Variants in MAP3K13 observed in about 807,000 individuals in gnomAD.
The protein encoded by MAP3K13 is mitogen-activated protein kinase kinase kinase 13.
Under a neutral mutation model 104.0 loss-of-function variants are expected in MAP3K13, and 52 were observed. The observed-to-expected ratio is 0.50, with a 90% CI of 0.40 to 0.63. The LOEUF is 0.63. MAP3K13 is among the 20% of genes least tolerant of loss of function. The pLI, the probability that MAP3K13 is intolerant of heterozygous loss-of-function variation, is 0.00. For synonymous variants in MAP3K13, 394 were observed against 442.2 expected (o/e 0.89, Z 1.37); for missense variants, 914 against 1,218.5 (o/e 0.75, Z 3.72).
At chr3:185,395,626 G>T (rs1560083415) in intron 1 of MAP3K13, among the ~76,000 whole-genome samples, 1 of 151,080 alleles carries the variant, frequency 6.6e-6, no homozygotes, top group East Asian at 1.9e-4. Context: ...CCAAAGTGCT[G>T]GGATTACAGG....
rs1271285960 is a variant in MAP3K13, at chr3:185,455,456, CAT to C, written c.1278+4068_1278+4069del. Among the ~76,000 whole-genome samples, 51 of 78,202 alleles carry C rather than the reference CAT, an allele frequency of 6.5e-4. 2 individuals carry two copies. Among genetic ancestry groups the C allele is most frequent in the African/African-American group, 2.5e-3 (50 of 19,930 alleles). The allele number at this position is 78,202 out of a possible 152,430, so 51.3% of individuals were successfully genotyped here. ...TGAGATATATATATGAGATATATAT[CAT>C]ATATATGAGATATATACATGATATA... On this transcript the variant is annotated intron_variant, in intron 7 of 13. Coordinates refer to ENST00000265026, the MANE Select transcript of MAP3K13 (RefSeq NM_004721.5).
chr3:185,336,527 G>A (rs573716318), intron 2 of MAP3K13, among the ~76,000 whole-genome samples: 2 of 146,736 alleles, frequency 1.4e-5, no homozygotes, highest in South Asian at 2.2e-4. Context: ...GGGTGACAGA[G>A]TGAGACTCTG....
At chr3:185,429,188 T>G (rs1479166902) in intron 2 of MAP3K13, 132 bp downstream of exon 2, 15 of 819,474 alleles carry the variant, frequency 1.8e-5, no homozygotes, top group African/African-American at 5.2e-5. Flanking sequence ...AATACCTCAT[T>G]TCAGTTTCCA....
chr3:185,457,616 C>T (rs550810908), intron 7 of MAP3K13, among the ~76,000 whole-genome samples: 76 of 152,292 alleles, frequency 5.0e-4, no homozygotes, highest in Admixed American at 1.0e-3. Flanking sequence ...TGTCCCTTTG[C>T]AGTTAAGATT....
rs544690088 is a variant in MAP3K13 at position 185,297,299 on chromosome 3, G to T, written c.-86+11656G>T. On this transcript the variant is annotated intron_variant, in intron 2 of 14. Coordinates refer to the MAP3K13 transcript ENST00000424227. Reference sequence around the variant, plus strand: ...CATTCCCAAGGTTGATTTAAACCTAGTAATTGGATATTTTTGAAAGCTGTG... The same window carrying T: ...CATTCCCAAGGTTGATTTAAACCTATTAATTGGATATTTTTGAAAGCTGTG... Among the ~76,000 whole-genome samples, 18 of 152,322 alleles carry T rather than the reference G, an allele frequency of 1.2e-4. No homozygotes were observed. The South Asian group carries it at 3.5e-3, about 30-fold the overall frequency.
chr3:185,360,703 C>A (rs1723567863), upstream of MAP3K13, among the ~76,000 whole-genome samples: 1 of 151,982 alleles, frequency 6.6e-6, no homozygotes, highest in Non-Finnish European at 1.5e-5. Flanking sequence ...TTATTAGAAG[C>A]ATTTATAGAC....
At position 185,450,855 on chromosome 3, in the gene MAP3K13, C is replaced by T. The variant is rs560414839; in HGVS notation, c.1170-432C>T. 1.4e-3 allele frequency among the ~76,000 whole-genome samples: 208 copies of T among 152,172 alleles called. 1 individual carries two copies. Among genetic ancestry groups the T allele is most frequent in the Non-Finnish European group, 2.7e-3 (185 of 68,004 alleles). On this transcript the variant is annotated intron_variant, in intron 6 of 13. Transcript: ENST00000265026. This position sits in a 1 kb window ranked among gnomAD's most constrained non-coding sequence, Gnocchi z 4.2. ...CTGTAATCCCAGCACTTTAGGAGGC[C>T]GAGGCGGGCGTATCACGAGGTCAGG...
rs140373812 is a variant in MAP3K13 at position 185,374,619 on chromosome 3, C to A, written c.-86+11251C>A. ...ATCCAATTAGAGTGTCCAAGGGGGT[C>A]CAAGCGGGGTTAGCGTAATTACTTA... On this transcript the variant is annotated intron_variant, in intron 1 of 13. Coordinates refer to ENST00000265026, the MANE Select transcript of MAP3K13 (RefSeq NM_004721.5). 2.9e-3 allele frequency among the ~76,000 whole-genome samples: 433 copies of A among 151,802 alleles called. 3 individuals are homozygous for A. Among genetic ancestry groups the A allele is most frequent in the African/African-American group, 9.3e-3 (385 of 41,378 alleles).
intron 11 of MAP3K13, among the ~76,000 whole-genome samples, chr3:185,475,970 T>G (rs1417418400): frequency 2.0e-5 from 3 of 152,356 alleles, no homozygotes; most frequent in African/African-American, 7.2e-5. Context: ...ACTTCTTTAT[T>G]AAGATATAAT....
In MAP3K13 at chr3:185,466,756, C is replaced by T. The variant is rs76819017; in HGVS notation, c.1506-70C>T. On this transcript the variant is annotated intron_variant, in intron 9 of 13. Coordinates refer to ENST00000265026, the MANE Select transcript of MAP3K13 (RefSeq NM_004721.5). ...TGGCAGAATCTGTGGTAGAATTAGC[C>T]GGTGAAAATATTCTGCCTATCCTTT... 1,100 of 1,539,732 alleles carry T rather than the reference C, an allele frequency of 7.1e-4. 6 individuals are homozygous for T. The African/African-American group carries it at 0.014, about 19-fold the overall frequency.
Position 185,484,326 on chromosome 3 carries a change from A to G in MAP3K13, c.*1870A>G, listed in dbSNP as rs1422420007. 1 of 152,054 alleles carries G rather than the reference A, an allele frequency of 6.6e-6. No individual in the cohort carries two copies. Among genetic ancestry groups the G allele is most frequent in the African/African-American group, 2.4e-5 (1 of 41,392 alleles). The allele number at this position is 152,054 out of a possible 1,614,324, so 9.4% of individuals were successfully genotyped here. A position where few individuals can be genotyped will look rare whatever the true frequency, so the allele number is the denominator to read the frequency against. ...CATGGTGCCTTGGCCTTAAGGAAAA[A>G]TTTTTTTAGAATTTTATGTACAAAT... On this transcript the variant is annotated 3_prime_UTR_variant, in exon 14 of 14. Transcript: ENST00000265026.
Position 185,473,615 on chromosome 3 carries a change from G to A in MAP3K13, c.2284G>A (p.Ala762Thr). 6.2e-7 allele frequency: 1 copy of A among 1,614,204 alleles called. No homozygotes were observed. Among genetic ancestry groups the A allele is most frequent in the African/African-American group, 1.3e-5 (1 of 75,054 alleles). The change falls in exon 11 of 14, where the codon GCA (alanine) becomes ACA (threonine). Residue 762 changes from alanine to threonine, a missense_variant. By Grantham distance (58) the Ala-to-Thr change is moderately conservative. This residue lies in a region of MAP3K13 where 583 missense variants were observed against 737.4 expected (regional missense o/e 0.79). Coordinates refer to ENST00000265026, the MANE Select transcript of MAP3K13 (RefSeq NM_004721.5). The surrounding 1 kb of genome is among the most constrained non-coding windows in gnomAD (Gnocchi z 4.9). ...GAGCCCTGACCTTTCCAAGTCACCA[G>A]CACATAATCCTCTCTTGGAAAACGC... ...GRSPDLSKSP[A>T]HNPLLENAQS...
At chr3:185,453,352 G>A (rs576299504) in intron 7 of MAP3K13, among the ~76,000 whole-genome samples, 3 of 152,148 alleles carry the variant, frequency 2.0e-5, no homozygotes, top group South Asian at 4.1e-4. Context: ...CAAAGATTCA[G>A]TCTCAGAAAA....
chr3:185,465,979 C>T, intron 9 of MAP3K13, 116 bp downstream of exon 9: 1 of 796,812 alleles, frequency 1.3e-6, no homozygotes, highest in Non-Finnish European at 2.1e-6. Context: ...TTCATTCACC[C>T]AACATTCCTT....
At chr3:185,383,963 T>A (rs1355787922) in intron 1 of MAP3K13, among the ~76,000 whole-genome samples, 1 of 152,214 alleles carries the variant, frequency 6.6e-6, no homozygotes, top group Non-Finnish European at 1.5e-5. Context: ...ATTTCAAATC[T>A]TCTTTTAGCT....
At chr3:185,471,451 CTTTTTTTTTT>C (rs71164510) in intron 10 of MAP3K13, among the ~76,000 whole-genome samples, 20,302 of 76,186 alleles carry the variant, frequency 0.27, 2,020 homozygotes, top group Middle Eastern at 0.49. Context: ...ACGACCTTTA[CTTTTTTTTTT>C]TTTTTTTTTT....
intron 5 of MAP3K13, 66 bp from the exon 6 acceptor site, chr3:185,449,834 A>G (rs1715788271): frequency 7.2e-7 from 1 of 1,388,630 alleles, no homozygotes; most frequent in South Asian, 1.5e-5. Context: ...TTCAATTAAT[A>G]GAGAACTAAA....
At chr3:185,432,538 A>G (rs1479714007) in intron 2 of MAP3K13, among the ~76,000 whole-genome samples, 2 of 151,308 alleles carry the variant, frequency 1.3e-5, no homozygotes, top group African/African-American at 2.4e-5. Flanking sequence ...TGGACACAAA[A>G]CCTACTGATA....
At chr3:185,358,278 A>G (rs768582252), upstream of MAP3K13, among the ~76,000 whole-genome samples, 1 of 152,202 alleles carries the variant, frequency 6.6e-6, no homozygotes, top group Admixed American at 6.5e-5. Flanking sequence ...GTTATCATCT[A>G]AAAGGTAGAC....
Sources: gnomAD v4.1 joint callset for allele counts (sites outside exome capture counted in the v4.1 genomes callset) on GRCh38, gnomAD v4.1.1 for gene constraint, gnomAD v4.1.1 regional missense constraint, Gnocchi (gnomAD v3.1) non-coding constraint, MANE v1.5 for transcripts, NCBI Gene and HGNC (gene_info 2026-07-23, HGNC 2026-07-21) for gene names.